PTPN13: variants seen among roughly 807,000 people sequenced by gnomAD.
PTPN13 encodes tyrosine-protein phosphatase non-receptor type 13.
In PTPN13, 191 loss-of-function variants were observed where a neutral mutation model predicts 284.0. The observed-to-expected ratio is 0.67, with a 90% CI of 0.60 to 0.76. The LOEUF (loss-of-function observed/expected upper bound fraction) is 0.76. PTPN13 is among the 30% of genes least tolerant of loss of function. The pLI is 0.00. For synonymous variants in PTPN13, 986 were observed against 1,022.3 expected (o/e 0.96, Z 0.68); for missense variants, 2,797 against 2,939.9 (o/e 0.95, Z 1.12).
At chr4:86,706,918 C>G (rs1731835878) in intron 7 of PTPN13, among the ~76,000 whole-genome samples, 1 of 152,050 alleles carries the variant, frequency 6.6e-6, no homozygotes, top group Non-Finnish European at 1.5e-5. Flanking sequence ...ACAGGACTAT[C>G]TAATTCTCCT....
chr4:86,626,851 T>C (rs1263348605), intron 1 of PTPN13, among the ~76,000 whole-genome samples: 1 of 152,064 alleles, frequency 6.6e-6, no homozygotes, highest in Non-Finnish European at 1.5e-5. Flanking sequence ...TACTCAAGGG[T>C]CAGCTGTATA....
intron 1 of PTPN13, among the ~76,000 whole-genome samples, chr4:86,614,838 A>G (rs773252334): frequency 1.3e-5 from 2 of 152,126 alleles, no homozygotes; most frequent in Non-Finnish European, 2.9e-5. Flanking sequence ...GCCCTTTGTA[A>G]ACCTCAGACC....
intron 1 of PTPN13, among the ~76,000 whole-genome samples, chr4:86,624,081 A>T (rs919738450): frequency 1.3e-5 from 2 of 152,190 alleles, no homozygotes; most frequent in African/African-American, 4.8e-5. Context: ...AGCACATAAT[A>T]GTTGTAACAA....
Position 86,729,527 on chromosome 4 carries a change from T to G in PTPN13, c.1609-2873T>G, listed in dbSNP as rs1263927632. On this transcript the variant is annotated intron_variant, in intron 10 of 47. Coordinates refer to ENST00000411767, the MANE Select transcript of PTPN13 (RefSeq NM_080683.3). ...CACATATTCCGTGTTTCTTGGAGGC[T>G]TTGTTCGTTTCTTTTTACTATTTTT... Among the ~76,000 whole-genome samples, 2 of 149,616 alleles carry G rather than the reference T, an allele frequency of 1.3e-5. 1 individual carries two copies. The highest frequency in any genetic ancestry group is 4.9e-5 in the African/African-American group (2 of 41,020).
chr4:86,775,234 T>A lies in PTPN13; in HGVS notation c.5572T>A (p.Ser1858Thr). The change falls in exon 34 of 48, where the codon TCC (serine) becomes ACC (threonine). Residue 1858 changes from serine (S) to threonine (T), a missense_variant. Coordinates refer to ENST00000411767, the MANE Select transcript of PTPN13 (RefSeq NM_080683.3). The stretch of plus-strand genomic sequence containing the variant: ...TGCAGTTAATCTGCTCCGGGCTGCA[T>A]CCAAAACAGTCAGATTAGTTATTGG... Reference protein sequence around the residue: ...TDAVNLLRAASKTVRLVIGRV... With the variant: ...TDAVNLLRAATKTVRLVIGRV... The A allele has an allele frequency of 6.2e-7, 1 of 1,613,600 alleles. No individual in the cohort carries two copies. The highest frequency in any genetic ancestry group is 8.5e-7 in the Non-Finnish European group (1 of 1,179,610).
intron 3 of PTPN13, among the ~76,000 whole-genome samples, chr4:86,680,223 A>C (rs774767746): frequency 1.3e-5 from 2 of 152,146 alleles, no homozygotes. Context: ...CCCTCTGTGC[A>C]TGGAGTTTAT....
At chr4:86,642,098 G>GT (rs1346386931) in intron 2 of PTPN13, among the ~76,000 whole-genome samples, 3 of 152,064 alleles carry the variant, frequency 2.0e-5, no homozygotes, top group Non-Finnish European at 4.4e-5. Flanking sequence ...TATAAAGTAA[G>GT]TTTTTTTCTT....
chr4:86,642,683 G>A (rs1287021059), intron 2 of PTPN13, among the ~76,000 whole-genome samples: 2 of 151,828 alleles, frequency 1.3e-5, no homozygotes, highest in Non-Finnish European at 2.9e-5. Flanking sequence ...TTGAACTCCT[G>A]ACCTCAGGTG....
At chr4:86,740,878 C>G (rs955018973) in intron 15 of PTPN13, among the ~76,000 whole-genome samples, 3 of 151,740 alleles carry the variant, frequency 2.0e-5, no homozygotes, top group Admixed American at 6.6e-5. Flanking sequence ...CCACAAATCT[C>G]TAGGGAAAGG....
chr4:86,812,286 G>A lies in PTPN13; in HGVS notation c.7362+1178G>A, dbSNP rs1199491170. On this transcript the variant is annotated intron_variant, in intron 47 of 47. Coordinates refer to ENST00000411767, the MANE Select transcript of PTPN13 (RefSeq NM_080683.3). The stretch of plus-strand genomic sequence containing the variant: ...GATCCCGCCACTGCACTCCAGCCTG[G>A]GCGACAGAGCGAGACTCCGTCTCAA... Among the ~76,000 whole-genome samples, 4 of 143,994 alleles carry A rather than the reference G, an allele frequency of 2.8e-5. 1 individual carries two copies. Among genetic ancestry groups the A allele is most frequent in the African/African-American group, 5.2e-5 (2 of 38,658 alleles). The allele number at this position is 143,994 out of a possible 152,430, so 94.5% of individuals were successfully genotyped here.
chr4:86,753,075 C>G lies in PTPN13; in HGVS notation c.3223+10C>G. On this transcript the variant is annotated intron_variant, in intron 20 of 47. Coordinates refer to ENST00000411767, the MANE Select transcript of PTPN13 (RefSeq NM_080683.3). ...CCCTTAAAAGAAAATGGTAGGTTTA[C>G]AAAATGTTTTTCCCCTCATTTCCAT... 6.3e-7 allele frequency: 1 copy of G among 1,596,676 alleles called. No individual in the cohort carries two copies. Among genetic ancestry groups the G allele is most frequent in the South Asian group, 1.1e-5 (1 of 89,882 alleles).
chr4:86,744,980 A>C lies in PTPN13; in HGVS notation c.2502A>C (p.Thr834=), dbSNP rs1401099537. 1.3e-6 allele frequency: 2 copies of C among 1,572,292 alleles called. No homozygotes were observed. Among genetic ancestry groups the C allele is most frequent in the Admixed American group, 3.7e-5 (2 of 53,780 alleles). ...KKISFSKKKI[T]LQNTSDGIKH... ...TAATATTGTAGAAAAAGAAAATCAC[A>C]TTGCAAAATACATCAGATGGAATAA... Residue 834 remains threonine (T), a synonymous_variant, in exon 17 of 48, where the codon ACA becomes ACC. Transcript: ENST00000411767.
intron 35 of PTPN13, among the ~76,000 whole-genome samples, chr4:86,777,275 A>G (rs759858027): frequency 6.6e-6 from 1 of 151,912 alleles, no homozygotes; most frequent in Non-Finnish European, 1.5e-5. Context: ...GAGAAAATCT[A>G]TTTTCTACCC....
rs1401659658 is a variant in PTPN13 at position 86,757,876 on chromosome 4, T to C, written c.3224-384T>C. 2.0e-5 allele frequency among the ~76,000 whole-genome samples: 3 copies of C among 152,150 alleles called. No homozygotes were observed. The East Asian group carries it at 5.8e-4, about 29-fold the overall frequency. The stretch of plus-strand genomic sequence containing the variant: ...CCATTAATTAGAAGGAATTTTTTAA[T>C]ATATTAAGCACTGTCAAATTCAGGG... On this transcript the variant is annotated intron_variant, in intron 20 of 47. Coordinates refer to ENST00000411767, the MANE Select transcript of PTPN13 (RefSeq NM_080683.3).
chr4:86,767,132 A>G (rs1396731026), intron 27 of PTPN13, among the ~76,000 whole-genome samples: 4 of 151,514 alleles, frequency 2.6e-5, no homozygotes, highest in Non-Finnish European at 5.9e-5. Flanking sequence ...GGGTCTCCCT[A>G]TGTTGCCCAT....
intron 7 of PTPN13, among the ~76,000 whole-genome samples, chr4:86,706,744 C>T (rs771045048): frequency 2.0e-5 from 3 of 152,026 alleles, no homozygotes; most frequent in African/African-American, 4.8e-5. Flanking sequence ...ATTATTACTG[C>T]GATTATTAAG....
rs540979167 is a variant in PTPN13 at position 86,814,549 on chromosome 4, T to C, written c.7456T>C (p.Ter2486ArgextTer14). The change falls in exon 48 of 48, where the codon TGA becomes CGA. Residue 2486 changes from the stop codon to arginine, a stop_lost. Transcript: ENST00000411767. ...AAAACAGCAGCCTCAGCTTCTGAAG[T>C]GACATGAAAAGAGCCTCTGGATGCA... ...EQKQQPQLLK* is the reference protein window; with the variant it reads ...EQKQQPQLLKR 3.7e-6 allele frequency: 6 copies of C among 1,608,146 alleles called. No individual in the cohort carries two copies. The African/African-American group carries it at 8.0e-5, about 21-fold the overall frequency.
intron 45 of PTPN13, among the ~76,000 whole-genome samples, chr4:86,808,204 G>A (rs1486051751): frequency 2.0e-5 from 3 of 152,204 alleles, no homozygotes; most frequent in African/African-American, 7.2e-5. Flanking sequence ...TTGCATGTTG[G>A]AAACTTGTGT....
In PTPN13 at chr4:86,728,589, G is replaced by C. The variant is rs925126655; in HGVS notation, c.1609-3811G>C. On this transcript the variant is annotated intron_variant, in intron 10 of 47. Transcript: ENST00000411767. Reference sequence around the variant, plus strand: ...TGTAATGGCCTTCTTTGTCTCTTTTGATCTTTGTTGGTTTACAGTTTGTTT... The same window carrying C: ...TGTAATGGCCTTCTTTGTCTCTTTTCATCTTTGTTGGTTTACAGTTTGTTT... Among the ~76,000 whole-genome samples, 10 of 112,490 alleles carry C rather than the reference G, an allele frequency of 8.9e-5. 2 individuals carry two copies. Among genetic ancestry groups the C allele is most frequent in the Non-Finnish European group, 1.5e-4 (8 of 54,144 alleles). The allele number at this position is 112,490 out of a possible 152,430, so 73.8% of individuals were successfully genotyped here. A position where few individuals can be genotyped will look rare whatever the true frequency, so the allele number is the denominator to read the frequency against.
Sources: allele counts gnomAD v4.1 joint callset (sites outside exome capture counted in the v4.1 genomes callset), GRCh38; gene constraint gnomAD v4.1.1; transcripts MANE v1.5; gene names NCBI Gene and HGNC (gene_info 2026-07-23, HGNC 2026-07-21).